The following ATP2A3 variants were observed in gnomAD, a reference collection of about 807,000 sequenced individuals.
ATP2A3 encodes ATPase sarcoplasmic/endoplasmic reticulum Ca2+ transporting 3.
A neutral mutation model predicts 106.8 loss-of-function variants in ATP2A3; 61 were observed. The ratio of observed to expected loss-of-function variants is 0.57; its 90% CI spans 0.46 to 0.71. The LOEUF (loss-of-function observed/expected upper bound fraction) is 0.71. Among genes scored for constraint, ATP2A3 ranks in the 30% least tolerant of loss-of-function variants. ATP2A3 has a pLI of 0.00. For missense variants in ATP2A3, 1,201 were observed against 1,423.5 expected (o/e 0.84, Z 2.52); for synonymous variants, 611 against 609.3 (o/e 1.00, Z -0.04).
chr17:3,930,266 C>T lies in ATP2A3; in HGVS notation c.2744+35G>A. Reference sequence around the variant, plus strand: ...AACCCCCAGCCCTCAGCCCCCACTCCTCGGCCCCAGCTCCAGGCCCTGCGC... The same window carrying T: ...AACCCCCAGCCCTCAGCCCCCACTCTTCGGCCCCAGCTCCAGGCCCTGCGC... On this transcript the variant is annotated intron_variant, in intron 18 of 20. Transcript: ENST00000397041. This position sits in a 1 kb window ranked among gnomAD's most constrained non-coding sequence, Gnocchi z 5.4. 1.4e-6 allele frequency: 2 copies of T among 1,418,264 alleles called. No individual in the cohort carries two copies. Among genetic ancestry groups the T allele is most frequent in the Non-Finnish European group, 9.2e-7 (1 of 1,086,818 alleles). The allele number at this position is 1,418,264 out of a possible 1,614,324, so 87.9% of individuals were successfully genotyped here.
chr17:3,940,223 T>C (rs1392832325), intron 14 of ATP2A3, among the ~76,000 whole-genome samples: 1 of 151,988 alleles, frequency 6.6e-6, no homozygotes, highest in Non-Finnish European at 1.5e-5. Flanking sequence ...ACTCATCAGA[T>C]AGTACGCCAA....
At chr17:3,945,270 C>G in intron 8 of ATP2A3, 122 bp from the exon 9 acceptor site, 1 of 839,080 alleles carries the variant, frequency 1.2e-6, no homozygotes, top group African/African-American at 1.8e-5. Context: ...ACCGGCCTGG[C>G]CGTCCGTGCC....
rs2054034090 is a variant in ATP2A3, at chr17:3,945,083, G to A, written c.1161C>T (p.Thr387=). Residue 387 remains threonine (T), a synonymous_variant, in exon 9 of 21, where the codon ACC becomes ACT. Transcript: ENST00000397041. ...ACACTTCGCCCTCGGGGGTATACGT[G>A]GTACCCGAGATGGTGAACTCGTGCA... The part of the protein sequence containing the change: ...CLLHEFTISG[T]TYTPEGEVRQ... The A allele has an allele frequency of 6.5e-7, 1 of 1,547,016 alleles. No individual in the cohort carries two copies. Among genetic ancestry groups the A allele is most frequent in the Non-Finnish European group, 8.7e-7 (1 of 1,145,300 alleles).
chr17:3,941,773 C>T (rs1390555595), intron 12 of ATP2A3, 119 bp from the exon 13 acceptor site: 11 of 1,041,426 alleles, frequency 1.1e-5, no homozygotes, highest in South Asian at 1.4e-5. Context: ...AGGGTACACA[C>T]GCAAGGCAGG....
chr17:3,958,150 C>CA (rs1303981134), intron 1 of ATP2A3, among the ~76,000 whole-genome samples: 1 of 152,206 alleles, frequency 6.6e-6, no homozygotes, highest in Admixed American at 6.5e-5. Context: ...GGCCACAGGC[C>CA]AGTTACCTAA....
intron 7 of ATP2A3, among the ~76,000 whole-genome samples, chr17:3,949,186 C>T (rs1330406682): frequency 6.6e-6 from 1 of 151,568 alleles, no homozygotes; most frequent in African/African-American, 2.4e-5. Flanking sequence ...TTCTTCATCC[C>T]TCTTCCCTTC....
Position 3,935,257 on chromosome 17 carries a change from C to A in ATP2A3, c.2545G>T (p.Val849Leu), listed in dbSNP as rs1259967024. 1 of 1,613,888 alleles carries A rather than the reference C, an allele frequency of 6.2e-7. No individual in the cohort carries two copies. Among genetic ancestry groups the A allele is most frequent in the Non-Finnish European group, 8.5e-7 (1 of 1,180,028 alleles). The change falls in exon 17 of 21, where the codon GTG becomes TTG. Residue 849 changes from valine (V) to leucine (L), a missense_variant. Val to Leu is a conservative substitution (Grantham distance 32, BLOSUM62 1). Around this residue, in one of 2 missense-constraint regions of ATP2A3, gnomAD observed 935 missense variants for 1,176.7 expected, o/e 0.79. Coordinates refer to ENST00000397041, the MANE Select transcript of ATP2A3 (RefSeq NM_005173.4). Reference sequence around the variant, plus strand: ...ACAAACCACCAGGTGGCGGCAGCCACTGTGGCCAGGCCTACGTACACTGCG... The same window carrying A: ...ACAAACCACCAGGTGGCGGCAGCCAATGTGGCCAGGCCTACGTACACTGCG... The part of the protein sequence containing the change: ...AIGVYVGLAT[V>L]AAATWWFVYD...
At chr17:3,942,825 C>A in intron 11 of ATP2A3, 94 bp from the exon 12 acceptor site, 1 of 1,573,268 alleles carries the variant, frequency 6.4e-7, no homozygotes. Flanking sequence ...GAGCCTCTTG[C>A]TCTGTGTGGG....
In ATP2A3 at chr17:3,951,327, C is replaced by T. The variant is rs201990228; in HGVS notation, c.387G>A (p.Val129=). 6.2e-7 allele frequency: 1 copy of T among 1,613,898 alleles called. No individual in the cohort carries two copies. Among genetic ancestry groups the T allele is most frequent in the East Asian group, 2.2e-5 (1 of 44,884 alleles). ...LKEYEPEMGK[V]IRSDRKGVQR... Reference sequence around the variant, plus strand: ...GCACGCCCTTGCGGTCCGAGCGGATCACCTTGCCCATCTCAGGCTCATACT... The same window carrying T: ...GCACGCCCTTGCGGTCCGAGCGGATTACCTTGCCCATCTCAGGCTCATACT... Residue 129 remains valine, a synonymous_variant, in exon 5 of 21, where the codon GTG becomes GTA. Coordinates refer to ENST00000397041, the MANE Select transcript of ATP2A3 (RefSeq NM_005173.4).
intron 1 of ATP2A3, among the ~76,000 whole-genome samples, chr17:3,956,814 G>C (rs2054808876): frequency 6.6e-6 from 1 of 152,200 alleles, no homozygotes; most frequent in African/African-American, 2.4e-5. Context: ...CCTCCGCTGT[G>C]ACCTGGCTTC....
rs1165157720 is a variant in ATP2A3 at position 3,926,574 on chromosome 17, T to G, written c.2981-1133A>C. On this transcript the variant is annotated intron_variant, in intron 20 of 20. Transcript: ENST00000397041. This position sits in a 1 kb window ranked among gnomAD's most constrained non-coding sequence, Gnocchi z 4.6. ...TGGTGTTAGTCTCACCCTCTCTTTTTGGGGGAGAGTGGGGGAACAGAGTTT... is the reference window on the plus strand; with the variant it reads ...TGGTGTTAGTCTCACCCTCTCTTTTGGGGGGAGAGTGGGGGAACAGAGTTT... Among the ~76,000 whole-genome samples, 1 of 152,066 alleles carries G rather than the reference T, an allele frequency of 6.6e-6. No homozygotes were observed. The highest frequency in any genetic ancestry group is 1.9e-4 in the East Asian group (1 of 5,186).
intron 10 of ATP2A3, among the ~76,000 whole-genome samples, chr17:3,943,853 T>G (rs2053927419): frequency 6.6e-6 from 1 of 152,132 alleles, no homozygotes; most frequent in East Asian, 1.9e-4. Flanking sequence ...GGCCCTTTGC[T>G]GAGCCCCAAG....
intron 20 of ATP2A3, chr17:3,927,138 C>A: frequency 1.0e-6 from 1 of 985,462 alleles, no homozygotes; most frequent in South Asian, 4.7e-5. Flanking sequence ...CCCCCTCACT[C>A]CTGGCCCAGC....
chr17:3,934,693 T>C (rs545525736), intron 17 of ATP2A3, among the ~76,000 whole-genome samples: 1 of 151,744 alleles, frequency 6.6e-6, no homozygotes, highest in Admixed American at 6.6e-5. Context: ...CCAGCTAATG[T>C]TTGTATTTTT....
At chr17:3,958,128 C>T (rs1005471691) in intron 1 of ATP2A3, among the ~76,000 whole-genome samples, 3 of 152,218 alleles carry the variant, frequency 2.0e-5, no homozygotes, top group East Asian at 1.9e-4. Context: ...CTCTATCTCA[C>T]GGTACTTCTG....
chr17:3,936,853 C>A lies in ATP2A3; in HGVS notation c.2322-384G>T, dbSNP rs553794045. ...ACAAGCAAACACCTACATATCTGCC[C>A]TGAGGTGCAGAGATGCAGAATCCAT... On this transcript the variant is annotated intron_variant, in intron 15 of 20. Coordinates refer to ENST00000397041, the MANE Select transcript of ATP2A3 (RefSeq NM_005173.4). This position sits in a 1 kb window ranked among gnomAD's most constrained non-coding sequence, Gnocchi z 5.4. The A allele has an allele frequency of 3.7e-5, 13 of 351,198 alleles. 1 individual carries two copies. Among genetic ancestry groups the A allele is most frequent in the South Asian group, 3.2e-4 (13 of 40,750 alleles). The allele number at this position is 351,198 out of a possible 1,614,324, so 21.8% of individuals were successfully genotyped here.
At chr17:3,944,018 C>A (rs11650258) in intron 10 of ATP2A3, among the ~76,000 whole-genome samples, 1 of 152,088 alleles carries the variant, frequency 6.6e-6, no homozygotes, top group South Asian at 2.1e-4. Flanking sequence ...CCTAACCAGT[C>A]ACCAAGTCCC....
At position 3,923,977 on chromosome 17, in the gene ATP2A3, G is replaced by A. The variant is rs561908479; in HGVS notation, c.*1445C>T. 2.6e-5 allele frequency: 4 copies of A among 152,410 alleles called. No individual in the cohort carries two copies. The highest frequency in any genetic ancestry group is 9.6e-5 in the African/African-American group (4 of 41,564). 9.4% of individuals were successfully genotyped at this position (152,410 alleles called of 1,614,324 possible). On this transcript the variant is annotated 3_prime_UTR_variant, in exon 21 of 21. Coordinates refer to ENST00000397041, the MANE Select transcript of ATP2A3 (RefSeq NM_005173.4). The stretch of plus-strand genomic sequence containing the variant: ...CTCCCCACCTCCCCCCAGGAAAGAA[G>A]CAGAGAATCTCTGCAGGCACCAGAC...
rs148288242 is a variant in ATP2A3 at position 3,928,618 on chromosome 17, C to T, written c.2980+45G>A. On this transcript the variant is annotated intron_variant, in intron 20 of 20. Transcript: ENST00000397041. This position sits in a 1 kb window ranked among gnomAD's most constrained non-coding sequence, Gnocchi z 6.1. ...GTCCACTGCAGCCCAGGAGCAGAGG[C>T]GGGCGGGGAGGCAGGCTGGAGGCGG... The T allele has an allele frequency of 4.1e-5, 60 of 1,480,970 alleles. No homozygotes were observed. The highest frequency in any genetic ancestry group is 1.2e-4 in the Admixed American group (6 of 50,910). 91.7% of individuals were successfully genotyped at this position (1,480,970 alleles called of 1,614,324 possible).
Sources: gnomAD v4.1 joint callset for allele counts (sites outside exome capture counted in the v4.1 genomes callset) on GRCh38, gnomAD v4.1.1 for gene constraint, gnomAD v4.1.1 regional missense constraint, Gnocchi (gnomAD v3.1) non-coding constraint, MANE v1.5 for transcripts, NCBI Gene and HGNC (gene_info 2026-07-23, HGNC 2026-07-21) for gene names.